RARB: variants seen among roughly 807,000 people sequenced by gnomAD.
RARB encodes HBV-activated protein.
RARB carries 17 observed loss-of-function variants against 51.9 expected under a neutral mutation model. The ratio of observed to expected loss-of-function variants is 0.33; its 90% confidence interval spans 0.22 to 0.49. The LOEUF is 0.49. Ranked by LOEUF, RARB falls within the 20% of genes least tolerant of loss-of-function variation. RARB has a pLI of 0.99. For missense variants in RARB, 369 were observed against 550.8 expected, an observed-to-expected ratio of 0.67 and a Z score of 3.30; for synonymous variants, 215 against 195.4, an observed-to-expected ratio of 1.10 and a Z score of -0.84.
intron 1 of RARB, among the ~76,000 whole-genome samples, chr3:24,830,585 C>T (rs1702266569): frequency 6.7e-6 from 1 of 149,650 alleles, no homozygotes; most frequent in African/African-American, 2.5e-5. Context: ...CAGGCAGAGG[C>T]GAAGTGATGG....
chr3:25,530,271 G>A (rs751420701), intron 3 of RARB, among the ~76,000 whole-genome samples: 1 of 152,246 alleles, frequency 6.6e-6, no homozygotes, highest in Non-Finnish European at 1.5e-5. Context: ...TGGGTAAGAG[G>A]TGGAGAGTCT....
chr3:24,922,558 C>A (rs1695240254), intron 2 of RARB, among the ~76,000 whole-genome samples: 1 of 152,272 alleles, frequency 6.6e-6, no homozygotes. Context: ...TCAAAAGTCA[C>A]ACACAGCCTG....
At chr3:25,054,878 T>C (rs1005088387) in intron 2 of RARB, among the ~76,000 whole-genome samples, 9 of 152,172 alleles carry the variant, frequency 5.9e-5, no homozygotes, top group Non-Finnish European at 1.3e-4. Flanking sequence ...ATCTCGATTA[T>C]TGAAAATGAA....
intron 5 of RARB, among the ~76,000 whole-genome samples, chr3:25,347,248 A>C (rs1559366497): frequency 6.6e-6 from 1 of 152,214 alleles, no homozygotes; most frequent in African/African-American, 2.4e-5. Context: ...CTAAGGTGTA[A>C]GGGAGTTCTG....
At chr3:25,521,600 A>G (rs975143566) in intron 3 of RARB, among the ~76,000 whole-genome samples, 14 of 152,128 alleles carry the variant, frequency 9.2e-5, no homozygotes, top group African/African-American at 3.4e-4. Flanking sequence ...AATATACAGT[A>G]TCCACCTTAG....
intron 3 of RARB, among the ~76,000 whole-genome samples, chr3:25,086,695 G>C (rs1441761417): frequency 2.0e-5 from 3 of 152,044 alleles, no homozygotes; most frequent in Non-Finnish European, 4.4e-5. Context: ...CTCAGGGTTG[G>C]GGGTTGGGGA....
chr3:25,267,188 A>G (rs1054483065), intron 5 of RARB, among the ~76,000 whole-genome samples: 6 of 152,232 alleles, frequency 3.9e-5, no homozygotes, highest in African/African-American at 1.4e-4. Context: ...AAGACAGAAG[A>G]CTAAGTGGAC....
chr3:25,402,062 C>G (rs1373416446), intron 5 of RARB, among the ~76,000 whole-genome samples: 5 of 152,084 alleles, frequency 3.3e-5, no homozygotes, highest in African/African-American at 1.2e-4. Context: ...AGGAGTGAGC[C>G]ACTGCACCCA....
chr3:25,562,732 G>A (rs752488218), intron 3 of RARB, among the ~76,000 whole-genome samples: 11 of 152,280 alleles, frequency 7.2e-5, no homozygotes, highest in South Asian at 2.1e-4. Context: ...TTGCAAGGAC[G>A]CGCACCACAC....
At chr3:25,289,732 G>A (rs76348506) in intron 5 of RARB, among the ~76,000 whole-genome samples, 5,913 of 148,622 alleles carry the variant, frequency 0.04, 259 homozygotes, top group African/African-American at 0.11. Flanking sequence ...GTGGGAGGAA[G>A]GCGAAGGATT....
chr3:24,940,018 C>T (rs998916417), intron 2 of RARB, among the ~76,000 whole-genome samples: 1 of 152,188 alleles, frequency 6.6e-6, no homozygotes, highest in Non-Finnish European at 1.5e-5. Flanking sequence ...CATTTAAGCA[C>T]TCTTTAATGT....
intron 3 of RARB, among the ~76,000 whole-genome samples, chr3:25,518,147 A>G (rs575657824): frequency 6.6e-6 from 1 of 152,332 alleles, no homozygotes; most frequent in South Asian, 2.1e-4. Flanking sequence ...TCTTAATTTT[A>G]AAAAACCGAT....
intron 5 of RARB, among the ~76,000 whole-genome samples, chr3:25,262,215 C>T (rs1703015956): frequency 6.6e-6 from 1 of 152,086 alleles, no homozygotes; most frequent in Non-Finnish European, 1.5e-5. Context: ...TTTTCCAAAC[C>T]AGAACCTGTG....
chr3:25,305,490 T>G (rs547783940), intron 5 of RARB, among the ~76,000 whole-genome samples: 1 of 152,354 alleles, frequency 6.6e-6, no homozygotes, highest in East Asian at 1.9e-4. Context: ...GGTTTGGCTG[T>G]TTCTCAGAGC....
chr3:25,146,447 AACAC>A, intron 4 of RARB, among the ~76,000 whole-genome samples: 1 of 152,170 alleles, frequency 6.6e-6, no homozygotes, highest in East Asian at 1.9e-4. Context: ...AATTTGCAAA[AACAC>A]ACAGGCTAGA....
chr3:25,069,269 G>C (rs1057258600), intron 3 of RARB, among the ~76,000 whole-genome samples: 2 of 151,962 alleles, frequency 1.3e-5, no homozygotes, highest in East Asian at 3.9e-4. Flanking sequence ...TTGATATTGA[G>C]GGAACTTGAA....
chr3:25,205,575 G>C (rs546133472), intron 5 of RARB, among the ~76,000 whole-genome samples: 3 of 151,934 alleles, frequency 2.0e-5, no homozygotes, highest in Admixed American at 6.6e-5. Flanking sequence ...ACAACCCACT[G>C]CAATGTTTTT....
chr3:25,373,348 A>T (rs1575351683), intron 5 of RARB, among the ~76,000 whole-genome samples: 1 of 152,160 alleles, frequency 6.6e-6, no homozygotes, highest in South Asian at 2.1e-4. Flanking sequence ...GCTAAGCTGG[A>T]TGAGAAACCA....
chr3:25,130,929 C>CAATAATATTGATAATATCAATATT (rs1646174758), intron 3 of RARB, among the ~76,000 whole-genome samples: 3 of 29,958 alleles, frequency 1.0e-4, no homozygotes, highest in East Asian at 1.9e-3. Context: ...CAATATTTAT[C>CAATAATATTGATAATATCAATATT]ATTGATAATA....
Sources: gnomAD v4.1 joint callset for allele counts (sites outside exome capture counted in the v4.1 genomes callset) on GRCh38, gnomAD v4.1.1 for gene constraint, MANE v1.5 for transcripts, NCBI Gene and HGNC (gene_info 2026-07-23, HGNC 2026-07-21) for gene names.